Variants in PITRM1 observed in about 807,000 individuals in gnomAD.
The protein encoded by PITRM1 is pitrilysin metallopeptidase 1.
PITRM1 carries 100 observed loss-of-function variants against 129.9 expected under a neutral mutation model. That is an observed-to-expected ratio of 0.77 (90% CI 0.65 to 0.91). The LOEUF (loss-of-function observed/expected upper bound fraction) is 0.91, where lower values mean the gene tolerates loss of function less well. Ranked by LOEUF, PITRM1 falls within the 40% of genes least tolerant of loss-of-function variation. The pLI is 0.00. For missense variants in PITRM1, 1,471 were observed against 1,318.3 expected, an observed-to-expected ratio of 1.12 and a Z score of -1.79; for synonymous variants, 591 against 508.8, an observed-to-expected ratio of 1.16 and a Z score of -2.17.
chr10:3,151,369 A>AAAGAAAC lies in PITRM1; in HGVS notation c.1622-13_1622-7dup. 9.0e-7 allele frequency: 1 copy of AAAGAAAC among 1,116,874 alleles called. No homozygotes were observed. The highest frequency in any genetic ancestry group is 2.6e-5 in the Admixed American group (1 of 39,088). The allele number at this position is 1,116,874 out of a possible 1,614,324, so 69.2% of individuals were successfully genotyped here. On this transcript the variant is annotated splice_polypyrimidine_tract_variant and splice_region_variant and intron_variant, in intron 14 of 26. Transcript: ENST00000224949. ...TTGACTCCGTAATTCTAGACCTAAA[A>AAAGAAAC]AAGAAACAAGAAAAAGGAATATTCA... is the stretch of plus-strand genomic sequence containing the variant.
chr10:3,167,922 C>T (rs769905444), intron 2 of PITRM1: 1 of 152,046 alleles, frequency 6.6e-6, no homozygotes. Flanking sequence ...ACAAGACAGA[C>T]GAAAGACTCC....
At chr10:3,153,012 G>A (rs556266396) in intron 14 of PITRM1, among the ~76,000 whole-genome samples, 1 of 152,236 alleles carries the variant, frequency 6.6e-6, no homozygotes, top group African/African-American at 2.4e-5. Context: ...TTACTACATA[G>A]TTTCCCATTC....
In PITRM1 at chr10:3,156,220, A is replaced by G. The variant is rs553213405; in HGVS notation, c.1483-491T>C. 9.2e-5 allele frequency among the ~76,000 whole-genome samples: 14 copies of G among 152,376 alleles called. No individual in the cohort carries two copies. The South Asian group carries it at 2.9e-3, about 32-fold the overall frequency. On this transcript the variant is annotated intron_variant, in intron 13 of 26. Coordinates refer to ENST00000224949, the MANE Select transcript of PITRM1 (RefSeq NM_014889.4). ...GAACAAAATACATGTTGACGTTAAT[A>G]TAAAAATGAACATTAGGTGATTTCA...
At chr10:3,143,838 TATC>T in intron 22 of PITRM1, 1 of 562,898 alleles carries the variant, frequency 1.8e-6, no homozygotes, top group Middle Eastern at 2.8e-4. Context: ...TTATATTTCA[TATC>T]ATATTATATC....
At position 3,147,202 on chromosome 10, in the gene PITRM1, G is replaced by A. The variant is rs1840969379; in HGVS notation, c.2284C>T (p.Leu762=). ...IAEMTDIKPI[L]RKLPRIKKHL... is the part of the protein sequence containing the mutation. ...TTCTTGATACGCGGGAGCTTCCTCA[G>A]GATGGGTTTGATATCTGTCATTTCT... is the stretch of plus-strand genomic sequence containing the variant. Residue 762 remains leucine, a synonymous_variant, in exon 20 of 27, where the codon CTG becomes TTG. Coordinates refer to ENST00000224949, the MANE Select transcript of PITRM1 (RefSeq NM_014889.4). 6.2e-7 allele frequency: 1 copy of A among 1,612,380 alleles called. No individual in the cohort carries two copies. The highest frequency in any genetic ancestry group is 1.3e-5 in the African/African-American group (1 of 74,904).
At chr10:3,164,065 G>A (rs956242012) in intron 6 of PITRM1, 180 bp from the exon 7 acceptor site, 5 of 393,544 alleles carry the variant, frequency 1.3e-5, no homozygotes, top group Admixed American at 9.4e-5. Flanking sequence ...TGTTTAACAC[G>A]GTATTCAATC....
At chr10:3,157,147 C>T in intron 12 of PITRM1, 83 bp from the exon 13 acceptor site, 1 of 1,272,252 alleles carries the variant, frequency 7.9e-7, no homozygotes, top group Non-Finnish European at 1.1e-6. Context: ...ATACTAAAAT[C>T]CTAGTTTCTG....
intron 25 of PITRM1, 115 bp downstream of exon 25, chr10:3,138,789 A>G (rs773261521): frequency 1.0e-6 from 1 of 963,558 alleles, no homozygotes; most frequent in South Asian, 1.3e-5. Flanking sequence ...TATCACAAGC[A>G]AGGATGGAGG....
intron 15 of PITRM1, among the ~76,000 whole-genome samples, chr10:3,150,750 C>T (rs376904640): frequency 6.6e-6 from 1 of 152,270 alleles, no homozygotes; most frequent in African/African-American, 2.4e-5. Context: ...TGGAATGAAA[C>T]GTGTCACGGA....
intron 4 of PITRM1, 25 bp downstream of exon 4, chr10:3,166,204 T>C: frequency 6.4e-7 from 1 of 1,563,630 alleles, no homozygotes; most frequent in Non-Finnish European, 8.7e-7. Flanking sequence ...CCAAAAGCAG[T>C]TTCTGTTCAG....
At chr10:3,167,985 G>A (rs570444039) in intron 2 of PITRM1, 4 of 152,132 alleles carry the variant, frequency 2.6e-5, no homozygotes, top group Non-Finnish European at 5.9e-5. Flanking sequence ...AAGCCTCCTG[G>A]TAAGTGACCA....
chr10:3,155,711 T>C lies in PITRM1; in HGVS notation c.1501A>G (p.Thr501Ala). ...QYFKNNQHKL[T>A]LSMRPDDKYH... ...TTGTCATCTGGCCTCATCGATAAAG[T>C]CAGCTTATGCTGGTTATTCTGCAGC... The change falls in exon 14 of 27, where the codon ACT becomes GCT. Residue 501 changes from threonine (T) to alanine (A), a missense_variant. Transcript: ENST00000224949. The C allele has an allele frequency of 3.1e-6, 5 of 1,613,884 alleles. No individual in the cohort carries two copies. The highest frequency in any genetic ancestry group is 4.2e-6 in the Non-Finnish European group (5 of 1,179,880).
chr10:3,165,206 T>G, intron 6 of PITRM1, 32 bp downstream of exon 6: 6 of 1,433,974 alleles, frequency 4.2e-6, no homozygotes, highest in Admixed American at 2.4e-5. Flanking sequence ...AAAGGTAAGC[T>G]GAACACAACA....
chr10:3,151,733 T>C (rs1406461410), intron 14 of PITRM1, among the ~76,000 whole-genome samples: 1 of 152,188 alleles, frequency 6.6e-6, no homozygotes, highest in Non-Finnish European at 1.5e-5. Context: ...GTGATCTTTA[T>C]ACTTATCTTC....
chr10:3,166,821 G>A, intron 3 of PITRM1, 115 bp downstream of exon 3: 1 of 598,408 alleles, frequency 1.7e-6, no homozygotes, highest in South Asian at 2.2e-5. Context: ...TGTATTTTAT[G>A]CGTGGCCTAA....
At chr10:3,172,570 A>G in intron 1 of PITRM1, 147 bp downstream of exon 1, 1 of 702,160 alleles carries the variant, frequency 1.4e-6, no homozygotes, top group Non-Finnish European at 2.2e-6. Flanking sequence ...CGGGAGCTCC[A>G]GGAAGGGCTC....
intron 20 of PITRM1, chr10:3,146,403 T>C (rs1840869170): frequency 6.6e-6 from 1 of 152,392 alleles, no homozygotes; most frequent in Admixed American, 6.5e-5. Flanking sequence ...AGGAAGGTTT[T>C]ATGGAGGAGG....
chr10:3,170,029 G>A lies in PITRM1; in HGVS notation c.159+75C>T, dbSNP rs1843204013. 5 of 1,094,936 alleles carry A rather than the reference G, an allele frequency of 4.6e-6. No homozygotes were observed. In the Admixed American group the frequency reaches 9.6e-5, roughly 21 times the overall value. The allele number at this position is 1,094,936 out of a possible 1,614,324, so 67.8% of individuals were successfully genotyped here. ...AAAAACGCTAGTCTCCGCCCTGAAG[G>A]GCTCCGTACATAGGCCAGAAGCCGC... On this transcript the variant is annotated intron_variant, in intron 2 of 26. Transcript: ENST00000224949.
chr10:3,149,492 C>T lies in PITRM1; in HGVS notation c.1871+129G>A, dbSNP rs1367232560. 2.1e-5 allele frequency: 19 copies of T among 924,168 alleles called. No individual in the cohort carries two copies. In the East Asian group the frequency reaches 5.1e-4, roughly 25 times the overall value. 57.2% of individuals were successfully genotyped at this position (924,168 alleles called of 1,614,324 possible). On this transcript the variant is annotated intron_variant, in intron 16 of 26. Transcript: ENST00000224949. ...AAAAATTCTAAACCAATATATTGTA[C>T]ACCATACTTACACACTAACATTGTA... is the stretch of plus-strand genomic sequence containing the variant.
Sources: gnomAD v4.1 joint callset for allele counts (sites outside exome capture counted in the v4.1 genomes callset) on GRCh38, gnomAD v4.1.1 for gene constraint, MANE v1.5 for transcripts, NCBI Gene and HGNC (gene_info 2026-07-23, HGNC 2026-07-21) for gene names.